OXR1: variants seen among roughly 807,000 people sequenced by gnomAD.
OXR1 encodes oxidation resistance protein 1.
OXR1 carries 41 observed loss-of-function variants against 104.6 expected under a neutral mutation model. That is an observed-to-expected ratio of 0.39 (90% CI 0.31 to 0.51). The LOEUF (loss-of-function observed/expected upper bound fraction) is 0.51. Among genes scored for constraint, OXR1 ranks in the 20% least tolerant of loss-of-function variants. The pLI, the probability that OXR1 is intolerant of heterozygous loss-of-function variation, is 0.77. For missense variants in OXR1, 955 were observed against 1,031.9 expected (o/e 0.93, Z 1.02); for synonymous variants, 348 against 348.4 (o/e 1.00, Z 0.01).
chr8:106,374,129 A>C (rs1287388679), intron 2 of OXR1, among the ~76,000 whole-genome samples: 1 of 152,206 alleles, frequency 6.6e-6, no homozygotes, highest in Non-Finnish European at 1.5e-5. Context: ...TCTTATAAGC[A>C]TACAAATATT....
chr8:106,713,778 G>T, intron 10 of OXR1, 45 bp from the exon 11 acceptor site: 1 of 1,144,612 alleles, frequency 8.7e-7, no homozygotes, highest in South Asian at 2.2e-5. Flanking sequence ...TTTAATTCTG[G>T]CAGCACAGAA....
rs1232761740 is a variant in OXR1, at chr8:106,666,030, A to G, written c.221-13180A>G. Reference sequence around the variant, plus strand: ...TATTTTTATGGTAAGTACAGACTTCAGTTTCAAAAATCTATTTTTAATTTT... The same window carrying G: ...TATTTTTATGGTAAGTACAGACTTCGGTTTCAAAAATCTATTTTTAATTTT... On this transcript the variant is annotated intron_variant, in intron 3 of 16. Coordinates refer to ENST00000517566, the MANE Select transcript of OXR1 (RefSeq NM_001198533.2). 3.3e-5 allele frequency among the ~76,000 whole-genome samples: 5 copies of G among 152,316 alleles called. No individual in the cohort carries two copies. The East Asian group carries it at 9.6e-4, about 29-fold the overall frequency.
In OXR1 at chr8:106,516,846, GTTA is replaced by G. The variant is rs369732852; in HGVS notation, c.24-2091_24-2089del. 1.1e-3 allele frequency among the ~76,000 whole-genome samples: 166 copies of G among 152,116 alleles called. 1 individual carries two copies. The highest frequency in any genetic ancestry group is 3.7e-3 in the African/African-American group (155 of 41,494). On this transcript the variant is annotated intron_variant, in intron 2 of 16. Coordinates refer to ENST00000517566, the MANE Select transcript of OXR1 (RefSeq NM_001198533.2). ...CAGTATATTGTTATAGTTGTTCTGTGTTATTATTGTTAATCTCTTACTGTGCCT... is the reference window on the plus strand; with the variant it reads ...CAGTATATTGTTATAGTTGTTCTGTGTTATTGTTAATCTCTTACTGTGCCT...
At chr8:106,468,339 GAC>G (rs1821293429) in intron 2 of OXR1, among the ~76,000 whole-genome samples, 1 of 151,860 alleles carries the variant, frequency 6.6e-6, no homozygotes, top group Non-Finnish European at 1.5e-5. Flanking sequence ...GTTCCCAGAA[GAC>G]TTCTCTGAGG....
chr8:106,635,208 C>A (rs1823027935), intron 3 of OXR1, among the ~76,000 whole-genome samples: 1 of 152,090 alleles, frequency 6.6e-6, no homozygotes, highest in African/African-American at 2.4e-5. Flanking sequence ...ATGTCCAAAT[C>A]TTTTAAAATT....
rs557442025 is a variant in OXR1 at position 106,670,151 on chromosome 8, A to G, written c.221-9059A>G. ...CGGGCCAGAGTGCAAGGCCTGTCACAGGGGATGGGTGGCCCTAGTGATCTC... is the reference window on the plus strand; with the variant it reads ...CGGGCCAGAGTGCAAGGCCTGTCACGGGGGATGGGTGGCCCTAGTGATCTC... On this transcript the variant is annotated intron_variant, in intron 3 of 16. Coordinates refer to ENST00000517566, the MANE Select transcript of OXR1 (RefSeq NM_001198533.2). Among the ~76,000 whole-genome samples, 325 of 152,290 alleles carry G rather than the reference A, an allele frequency of 2.1e-3. 1 individual carries two copies. Among genetic ancestry groups the G allele is most frequent in the African/African-American group, 7.4e-3 (307 of 41,568 alleles).
At chr8:106,707,333 T>G in intron 9 of OXR1, 188 bp downstream of exon 9, 1 of 673,406 alleles carries the variant, frequency 1.5e-6, no homozygotes, top group Non-Finnish European at 2.6e-6. Flanking sequence ...ATCCCACAGG[T>G]GGATTGTACA....
intron 3 of OXR1, among the ~76,000 whole-genome samples, chr8:106,610,837 T>A (rs1820760155): frequency 6.6e-6 from 1 of 152,236 alleles, no homozygotes; most frequent in Non-Finnish European, 1.5e-5. Context: ...AGTAATAAGA[T>A]TCTGCCTGTT....
At chr8:106,541,364 G>A (rs1263256284) in intron 3 of OXR1, among the ~76,000 whole-genome samples, 1 of 152,154 alleles carries the variant, frequency 6.6e-6, no homozygotes, top group Non-Finnish European at 1.5e-5. Context: ...GTGAGGACCT[G>A]ACACAAATCA....
chr8:106,572,791 A>C (rs1452871184), intron 3 of OXR1, among the ~76,000 whole-genome samples: 2 of 152,096 alleles, frequency 1.3e-5, no homozygotes, highest in Non-Finnish European at 2.9e-5. Flanking sequence ...GCCTCTACCC[A>C]TTGCTCAGTT....
intron 3 of OXR1, among the ~76,000 whole-genome samples, chr8:106,617,533 C>T (rs1280689918): frequency 6.6e-6 from 1 of 152,192 alleles, no homozygotes; most frequent in Non-Finnish European, 1.5e-5. Context: ...GGACTTTCTT[C>T]TTTCCCTCCT....
intron 3 of OXR1, among the ~76,000 whole-genome samples, chr8:106,578,916 G>C (rs980144954): frequency 8.6e-5 from 13 of 150,402 alleles, no homozygotes; most frequent in African/African-American, 3.2e-4. Context: ...CCTGTTCCCA[G>C]CCTGTTCCAA....
chr8:106,290,341 C>T (rs1233679630), intron 1 of OXR1, among the ~76,000 whole-genome samples: 1 of 152,078 alleles, frequency 6.6e-6, no homozygotes, highest in Non-Finnish European at 1.5e-5. Flanking sequence ...TCTCAAGCTA[C>T]AAAAATCCTA....
intron 3 of OXR1, among the ~76,000 whole-genome samples, chr8:106,678,807 T>G (rs1228866224): frequency 6.6e-6 from 1 of 152,068 alleles, no homozygotes; most frequent in African/African-American, 2.4e-5. Context: ...CTGTGAGAAC[T>G]AATGTTACAA....
intron 2 of OXR1, among the ~76,000 whole-genome samples, chr8:106,514,500 G>A (rs1052760720): frequency 2.6e-5 from 4 of 152,058 alleles, no homozygotes; most frequent in African/African-American, 9.7e-5. Flanking sequence ...TTCGAGTCTT[G>A]GTTGGGAAGA....
At chr8:106,329,627 G>T (rs563838045) in intron 1 of OXR1, among the ~76,000 whole-genome samples, 5 of 152,198 alleles carry the variant, frequency 3.3e-5, no homozygotes, top group Admixed American at 3.3e-4. Flanking sequence ...GATCACAGGC[G>T]TGAGCCACCG....
intron 10 of OXR1, among the ~76,000 whole-genome samples, chr8:106,711,932 GAGCAA>G (rs1304192691): frequency 1.3e-5 from 2 of 152,112 alleles, no homozygotes; most frequent in Non-Finnish European, 2.9e-5. Flanking sequence ...AGATACTGCT[GAGCAA>G]AGGTATTACA....
chr8:106,358,719 T>C (rs1816094144), intron 1 of OXR1, among the ~76,000 whole-genome samples: 2 of 152,144 alleles, frequency 1.3e-5, no homozygotes, highest in East Asian at 1.9e-4. Flanking sequence ...GATGTCAAAA[T>C]ACATGTGTGG....
intron 3 of OXR1, among the ~76,000 whole-genome samples, chr8:106,668,394 A>G (rs551804531): frequency 1.3e-5 from 2 of 152,328 alleles, no homozygotes; most frequent in East Asian, 1.9e-4. Flanking sequence ...GCTCCCAAGC[A>G]TAATAATTTA....
Sources: allele counts gnomAD v4.1 joint callset (sites outside exome capture counted in the v4.1 genomes callset), GRCh38; gene constraint gnomAD v4.1.1; transcripts MANE v1.5; gene names NCBI Gene and HGNC (gene_info 2026-07-23, HGNC 2026-07-21).